RHEX: variants seen among roughly 807,000 people sequenced by gnomAD.
The protein encoded by RHEX is regulator of hemoglobinization and erythroid cell expansion protein.
Under a neutral mutation model 20.1 loss-of-function variants are expected in RHEX, and 18 were observed. That is an observed-to-expected ratio of 0.90 (90% confidence interval 0.62 to 1.33). The LOEUF (loss-of-function observed/expected upper bound fraction) is 1.33, where lower values mean the gene tolerates loss of function less well. Among genes scored for constraint, RHEX ranks in the 40% most tolerant of loss-of-function variants. RHEX has a pLI of 0.00. For synonymous variants in RHEX, 87 were observed against 77.1 expected (o/e 1.13, Z -0.67); for missense variants, 192 against 214.3 (o/e 0.90, Z 0.65).
At chr1:206,057,378 G>A (rs1662213735) in intron 1 of RHEX, among the ~76,000 whole-genome samples, 1 of 152,264 alleles carries the variant, frequency 6.6e-6, no homozygotes. Context: ...TTATTGGACA[G>A]TATTGCATAG....
intron 1 of RHEX, among the ~76,000 whole-genome samples, chr1:206,078,184 C>T (rs1662670159): frequency 6.6e-6 from 1 of 152,168 alleles, no homozygotes; most frequent in South Asian, 2.1e-4. Flanking sequence ...CCCTTCCCCA[C>T]CAAATCTGAA....
chr1:206,096,424 T>C (rs1422252876), intron 1 of RHEX, among the ~76,000 whole-genome samples: 2 of 152,244 alleles, frequency 1.3e-5, no homozygotes, highest in African/African-American at 4.8e-5. Context: ...GACACACTGG[T>C]CTAGCTTCTA....
chr1:206,074,738 G>A (rs1042287934), intron 1 of RHEX, among the ~76,000 whole-genome samples: 2 of 152,150 alleles, frequency 1.3e-5, no homozygotes, highest in Non-Finnish European at 2.9e-5. Flanking sequence ...GAACTTTTTG[G>A]GTGCTGACAT....
At chr1:206,098,942 C>A (rs148618027) in intron 3 of RHEX, among the ~76,000 whole-genome samples, 1 of 152,136 alleles carries the variant, frequency 6.6e-6, no homozygotes. Context: ...AAAAATGGAA[C>A]AAGGGAGTTG....
chr1:206,099,976 C>T (rs1311171600), intron 4 of RHEX, among the ~76,000 whole-genome samples, 178 bp downstream of exon 4: 4 of 152,190 alleles, frequency 2.6e-5, no homozygotes, highest in African/African-American at 7.2e-5. Flanking sequence ...TATTCTATTT[C>T]GTGGGGAAGA....
intron 1 of RHEX, among the ~76,000 whole-genome samples, chr1:206,079,484 G>C (rs1662697043): frequency 6.6e-6 from 1 of 152,188 alleles, no homozygotes; most frequent in African/African-American, 2.4e-5. Context: ...GTTGCCAATA[G>C]TAAAACCCTG....
intron 1 of RHEX, among the ~76,000 whole-genome samples, chr1:206,075,891 G>A (rs1355575430): frequency 1.3e-5 from 2 of 152,000 alleles, no homozygotes; most frequent in Non-Finnish European, 2.9e-5. Flanking sequence ...ATGAGCCACC[G>A]TGCACAGCCA....
intron 1 of RHEX, among the ~76,000 whole-genome samples, chr1:206,086,283 G>A (rs894216414): frequency 2.0e-5 from 3 of 152,174 alleles, no homozygotes; most frequent in African/African-American, 7.2e-5. Context: ...TGAGTTGAAT[G>A]TTCTGGTCCA....
At position 206,101,123 on chromosome 1, in the gene RHEX, T is replaced by C; in HGVS notation, c.257-13T>C. ...CTTGCTTTGGAAGAGGAACCGTTTCTATTTCTCCCCAGATGACAGCGACAC... is the reference window on the plus strand; with the variant it reads ...CTTGCTTTGGAAGAGGAACCGTTTCCATTTCTCCCCAGATGACAGCGACAC... On this transcript the variant is annotated splice_polypyrimidine_tract_variant and intron_variant, in intron 4 of 5. Transcript: ENST00000331555. The C allele has an allele frequency of 6.2e-7, 1 of 1,609,528 alleles. No individual in the cohort carries two copies. Among genetic ancestry groups the C allele is most frequent in the Non-Finnish European group, 8.5e-7 (1 of 1,178,092 alleles).
chr1:206,083,385 C>A, intron 1 of RHEX: 1 of 366,786 alleles, frequency 2.7e-6, no homozygotes, highest in Non-Finnish European at 3.8e-6. Flanking sequence ...TCTACACAAA[C>A]TGTCTGTACC....
intron 1 of RHEX, among the ~76,000 whole-genome samples, chr1:206,076,247 T>G (rs1374127354): frequency 6.6e-6 from 1 of 151,916 alleles, no homozygotes; most frequent in Non-Finnish European, 1.5e-5. Flanking sequence ...CTCAAACTCC[T>G]GGGGTCAAGC....
At chr1:206,073,674 C>T (rs1553284908) in intron 1 of RHEX, among the ~76,000 whole-genome samples, 1 of 152,128 alleles carries the variant, frequency 6.6e-6, no homozygotes, top group Non-Finnish European at 1.5e-5. Flanking sequence ...CTCCCTGTCT[C>T]GCGCAACCAA....
intron 1 of RHEX, among the ~76,000 whole-genome samples, chr1:206,089,648 TG>T (rs1231361835): frequency 6.6e-5 from 10 of 152,258 alleles, no homozygotes; most frequent in African/African-American, 2.4e-4. Flanking sequence ...ATTTGCTGTT[TG>T]GGGGCCCTAG....
At chr1:206,084,617 CTTG>C (rs1228277409) in intron 1 of RHEX, among the ~76,000 whole-genome samples, 2 of 152,188 alleles carry the variant, frequency 1.3e-5, no homozygotes, top group Non-Finnish European at 2.9e-5. Context: ...TCAAGGAAGA[CTTG>C]TTGATTGGCT....
chr1:206,082,686 C>T (rs1662762751), intron 1 of RHEX, among the ~76,000 whole-genome samples: 1 of 152,084 alleles, frequency 6.6e-6, no homozygotes, highest in Non-Finnish European at 1.5e-5. Flanking sequence ...AAAAAACTGA[C>T]AATCAGAGAG....
At chr1:206,066,068 C>G (rs982724030) in intron 1 of RHEX, among the ~76,000 whole-genome samples, 1 of 152,246 alleles carries the variant, frequency 6.6e-6, no homozygotes, top group Non-Finnish European at 1.5e-5. Flanking sequence ...TGAAGATTCT[C>G]ATTCAAATCA....
Position 206,098,198 on chromosome 1 carries a change from C to T in RHEX, c.112+17C>T, listed in dbSNP as rs966675888. The stretch of plus-strand genomic sequence containing the variant: ...GGCACATGGGTAACTGGCTCAGCAT[C>T]CTCTTCCCTCCTAGTCACTCTCAGA... On this transcript the variant is annotated intron_variant, in intron 3 of 5. Transcript: ENST00000331555. 1 of 1,524,108 alleles carries T rather than the reference C, an allele frequency of 6.6e-7. No homozygotes were observed. Among genetic ancestry groups the T allele is most frequent in the African/African-American group, 1.4e-5 (1 of 73,208 alleles). The allele number at this position is 1,524,108 out of a possible 1,614,324, so 94.4% of individuals were successfully genotyped here. A position where few individuals can be genotyped will look rare whatever the true frequency, so the allele number is the denominator to read the frequency against.
chr1:206,078,781 G>A (rs1662681862), intron 1 of RHEX, among the ~76,000 whole-genome samples: 1 of 152,068 alleles, frequency 6.6e-6, no homozygotes, highest in African/African-American at 2.4e-5. Context: ...TGGTAGAGGT[G>A]CCTGGGGGGG....
intron 1 of RHEX, among the ~76,000 whole-genome samples, chr1:206,063,127 C>A (rs1267929769): frequency 6.6e-6 from 1 of 152,020 alleles, no homozygotes; most frequent in Admixed American, 6.6e-5. Context: ...GAATGTGACA[C>A]CTGATGATAA....
Sources: gnomAD v4.1 joint callset for allele counts (sites outside exome capture counted in the v4.1 genomes callset) on GRCh38, gnomAD v4.1.1 for gene constraint, MANE v1.5 for transcripts, NCBI Gene and HGNC (gene_info 2026-07-23, HGNC 2026-07-21) for gene names.